Variants in CORIN observed in about 807,000 individuals in gnomAD.
CORIN encodes the protein atrial natriuretic peptide-converting enzyme.
CORIN carries 117 observed loss-of-function variants against 125.3 expected under a neutral mutation model. The ratio of observed to expected loss-of-function variants is 0.93; its 90% CI spans 0.80 to 1.09. The LOEUF is 1.09. CORIN is among the 50% of genes least tolerant of loss of function. The pLI is 0.00. For synonymous variants in CORIN, 450 were observed against 466.4 expected (o/e 0.96, Z 0.45); for missense variants, 1,253 against 1,306.7 (o/e 0.96, Z 0.63).
intron 1 of CORIN, among the ~76,000 whole-genome samples, chr4:47,832,440 CT>C (rs201022597): frequency 2.3e-5 from 3 of 129,336 alleles, no homozygotes; most frequent in Admixed American, 8.2e-5. Flanking sequence ...TCTTTCTTTT[CT>C]TTTCTTTTTT....
chr4:47,699,126 CAAAT>C (rs1471641185), intron 5 of CORIN, among the ~76,000 whole-genome samples: 1 of 152,158 alleles, frequency 6.6e-6, no homozygotes, highest in African/African-American at 2.4e-5. Context: ...TGGCTCAGGT[CAAAT>C]AAACAATGAC....
chr4:47,825,746 G>T (rs1448522109), intron 1 of CORIN, among the ~76,000 whole-genome samples: 1 of 147,862 alleles, frequency 6.8e-6, no homozygotes, highest in Non-Finnish European at 1.5e-5. Context: ...TGTCACCCAG[G>T]CTGGAGTGCA....
At position 47,786,885 on chromosome 4, in the gene CORIN, T is replaced by G; in HGVS notation, c.249A>C (p.Glu83Asp). ...GGATTTCACCATCAGTGACCAAAGG[T>G]TCACTCCCATTTGATTTAAAATAGA... The part of the protein sequence containing the change: ...QKVYFKSNGS[E>D]PLVTDGEIQG... The change falls in exon 3 of 22, where the codon GAA (glutamate) becomes GAC (aspartate). Residue 83 changes from glutamate to aspartate, a missense_variant. Coordinates refer to ENST00000273857, the MANE Select transcript of CORIN (RefSeq NM_006587.4). 1 of 1,613,710 alleles carries G rather than the reference T, an allele frequency of 6.2e-7. No individual in the cohort carries two copies. The highest frequency in any genetic ancestry group is 8.5e-7 in the Non-Finnish European group (1 of 1,179,650).
intron 5 of CORIN, among the ~76,000 whole-genome samples, chr4:47,710,851 C>G (rs1271827525): frequency 1.3e-5 from 2 of 152,234 alleles, no homozygotes; most frequent in Non-Finnish European, 2.9e-5. Flanking sequence ...TCTATCCCCA[C>G]TGCTCACACG....
In CORIN at chr4:47,594,049, T is replaced by C. The variant is rs1018378735; in HGVS notation, c.*1672A>G. On this transcript the variant is annotated 3_prime_UTR_variant, in exon 22 of 22. Coordinates refer to ENST00000273857, the MANE Select transcript of CORIN (RefSeq NM_006587.4). ...TATTAAGAATTATTTAAAATAAGTA[T>C]AATATATATATTTCACTGAGCCTAA... The C allele has an allele frequency of 5.9e-5, 9 of 151,668 alleles. No individual in the cohort carries two copies. Among genetic ancestry groups the C allele is most frequent in the Non-Finnish European group, 1.2e-4 (8 of 67,924 alleles). The allele number at this position is 151,668 out of a possible 1,614,324, so 9.4% of individuals were successfully genotyped here.
rs571686740 is a variant in CORIN at position 47,779,500 on chromosome 4, G to A, written c.409+7225C>T. On this transcript the variant is annotated intron_variant, in intron 3 of 21. Transcript: ENST00000273857. ...CACCCAGGCTGGAGTGAAGTGGTGC[G>A]ATCTCGGCTCACTGCAACCTCCGCC... Among the ~76,000 whole-genome samples the A allele has an allele frequency of 6.0e-5, 9 of 150,298 alleles. No homozygotes were observed. In the South Asian group the frequency reaches 6.3e-4, roughly 11 times the overall value.
chr4:47,701,588 G>T (rs1350831346), intron 5 of CORIN, among the ~76,000 whole-genome samples: 2 of 152,110 alleles, frequency 1.3e-5, no homozygotes, highest in Non-Finnish European at 2.9e-5. Flanking sequence ...AATGTAAATA[G>T]AATTTAGAAA....
intron 4 of CORIN, among the ~76,000 whole-genome samples, chr4:47,749,260 G>A (rs1367489600): frequency 6.6e-6 from 1 of 152,084 alleles, no homozygotes; most frequent in African/African-American, 2.4e-5. Context: ...ACCAACAGAA[G>A]GTAATGGAAT....
intron 4 of CORIN, among the ~76,000 whole-genome samples, chr4:47,752,331 T>C (rs1381686963): frequency 6.6e-6 from 1 of 152,214 alleles, no homozygotes. Flanking sequence ...GATATTTGTT[T>C]ATTTCATCTG....
intron 6 of CORIN, among the ~76,000 whole-genome samples, chr4:47,687,807 C>G (rs1304246928): frequency 3.9e-5 from 6 of 152,194 alleles, no homozygotes; most frequent in Non-Finnish European, 8.8e-5. Flanking sequence ...GGTCTGTCCA[C>G]TGTTGCTCAG....
At chr4:47,756,669 T>C (rs774395451) in intron 4 of CORIN, among the ~76,000 whole-genome samples, 1 of 152,244 alleles carries the variant, frequency 6.6e-6, no homozygotes, top group Non-Finnish European at 1.5e-5. Context: ...AAAATTGCTC[T>C]AGATATTAAG....
chr4:47,782,568 G>A (rs556091283), intron 3 of CORIN, among the ~76,000 whole-genome samples: 3 of 152,216 alleles, frequency 2.0e-5, no homozygotes, highest in South Asian at 4.1e-4. Flanking sequence ...AACCAGAAAC[G>A]TTTTCACACA....
At chr4:47,821,318 T>G (rs1732501195) in intron 1 of CORIN, among the ~76,000 whole-genome samples, 1 of 151,712 alleles carries the variant, frequency 6.6e-6, no homozygotes, top group Non-Finnish European at 1.5e-5. Flanking sequence ...GAGAGCAGTC[T>G]CATGTTGAAA....
chr4:47,812,652 G>A (rs1732111918), intron 1 of CORIN, among the ~76,000 whole-genome samples: 1 of 152,170 alleles, frequency 6.6e-6, no homozygotes. Flanking sequence ...GAGCTAGAAA[G>A]TACAAATTTA....
intron 5 of CORIN, among the ~76,000 whole-genome samples, chr4:47,728,168 T>C (rs1380827836): frequency 6.6e-6 from 1 of 152,156 alleles, no homozygotes; most frequent in Admixed American, 6.5e-5. Context: ...AAGAGATTCA[T>C]AGATTTTCAT....
intron 9 of CORIN, among the ~76,000 whole-genome samples, chr4:47,675,643 T>C (rs1724980563): frequency 6.6e-6 from 1 of 152,206 alleles, no homozygotes; most frequent in East Asian, 1.9e-4. Flanking sequence ...TAATACCCCC[T>C]GGGAAGTGGC....
chr4:47,661,683 C>A (rs368480657), intron 12 of CORIN, 28 bp downstream of exon 12: 35 of 1,583,478 alleles, frequency 2.2e-5, no homozygotes, highest in African/African-American at 1.3e-4. Flanking sequence ...ATGTTAGATA[C>A]CCTGCTGTAA....
chr4:47,722,964 A>T (rs745490588), intron 5 of CORIN, among the ~76,000 whole-genome samples: 1 of 152,222 alleles, frequency 6.6e-6, no homozygotes, highest in Non-Finnish European at 1.5e-5. Flanking sequence ...CCAACATAGA[A>T]TGAATGCAAC....
At chr4:47,700,293 G>T (rs61761822) in intron 5 of CORIN, among the ~76,000 whole-genome samples, 162 of 152,242 alleles carry the variant, frequency 1.1e-3, no homozygotes, top group Non-Finnish European at 2.0e-3. Flanking sequence ...ACTCAGGAAA[G>T]GTATAGAACA....
Sources: allele counts gnomAD v4.1 joint callset (sites outside exome capture counted in the v4.1 genomes callset), GRCh38; gene constraint gnomAD v4.1.1; transcripts MANE v1.5; gene names NCBI Gene and HGNC (gene_info 2026-07-23, HGNC 2026-07-21).